Variants in AKAP13 observed in about 807,000 individuals in gnomAD.
AKAP13 encodes the protein A-kinase anchor protein 13.
AKAP13 carries 80 observed loss-of-function variants against 264.5 expected under a neutral mutation model. That is an observed-to-expected ratio of 0.30 (90% CI 0.25 to 0.36). The LOEUF (loss-of-function observed/expected upper bound fraction) is 0.36, where lower values mean the gene tolerates loss of function less well. AKAP13 is among the 10% of genes least tolerant of loss of function. The probability of loss-of-function intolerance (pLI) is 1.00; values close to 1 mark genes in which losing one functional copy is unlikely to be tolerated. For missense variants in AKAP13, 3,712 were observed against 3,435.2 expected, an observed-to-expected ratio of 1.08 and a Z score of -2.01; for synonymous variants, 1,380 against 1,250.2, an observed-to-expected ratio of 1.10 and a Z score of -2.19.
At chr15:85,400,874 ATTT>A (rs55704204) in intron 1 of AKAP13, among the ~76,000 whole-genome samples, 3,426 of 120,112 alleles carry the variant, frequency 0.029, 48 homozygotes, top group Non-Finnish European at 0.037. Context: ...ATATATATAT[ATTT>A]TTTTTTTTTA....
At chr15:85,508,884 C>T (rs1302433049) in intron 2 of AKAP13, among the ~76,000 whole-genome samples, 1 of 152,124 alleles carries the variant, frequency 6.6e-6, no homozygotes, top group African/African-American at 2.4e-5. Flanking sequence ...TTGCTTCATT[C>T]AGGTTTCAGC....
At chr15:85,711,760 T>G (rs1427852837) in intron 19 of AKAP13, among the ~76,000 whole-genome samples, 1 of 152,192 alleles carries the variant, frequency 6.6e-6, no homozygotes, top group Non-Finnish European at 1.5e-5. Context: ...AAGTAAAGAT[T>G]CTTGGGCCCC....
In AKAP13 at chr15:85,741,337, G is replaced by C; in HGVS notation, c.7900G>C (p.Glu2634Gln). 6.2e-7 allele frequency: 1 copy of C among 1,613,676 alleles called. No individual in the cohort carries two copies. Among genetic ancestry groups the C allele is most frequent in the Non-Finnish European group, 8.5e-7 (1 of 1,179,886 alleles). ...GGTGCAGCAGGGGCAGCAGGACCTG[G>C]AAAAGGAGCGGGAGGAGCTCCAGCA... ...EEVQQGQQDLEKEREELQQKK... is the reference protein window; with the variant it reads ...EEVQQGQQDLQKEREELQQKK... Residue 2634 changes from glutamate (E) to glutamine (Q), a missense_variant, in exon 35 of 37, where the codon GAA becomes CAA. Glu to Gln is a conservative substitution (Grantham distance 29). This residue lies in a region of AKAP13 where 611 missense variants were observed against 539.3 expected (regional missense o/e 1.13). Coordinates refer to ENST00000394518, the MANE Select transcript of AKAP13 (RefSeq NM_007200.5).
chr15:85,711,854 A>G (rs1030307373), intron 19 of AKAP13, among the ~76,000 whole-genome samples: 1 of 152,114 alleles, frequency 6.6e-6, no homozygotes, highest in African/African-American at 2.4e-5. Flanking sequence ...TTTAATAGAG[A>G]CAGGGTCTTG....
rs564507091 is a variant in AKAP13, at chr15:85,514,080, T to C, written c.34-7348T>C. ...GGAGACACTTAAAGACTGTGTAATA[T>C]GTATGCTGTTCCTCATCAGAATCTC... is the stretch of plus-strand genomic sequence containing the variant. On this transcript the variant is annotated intron_variant, in intron 2 of 36. Coordinates refer to ENST00000394518, the MANE Select transcript of AKAP13 (RefSeq NM_007200.5). Among the ~76,000 whole-genome samples, 8 of 138,222 alleles carry C rather than the reference T, an allele frequency of 5.8e-5. 2 individuals carry two copies. Among genetic ancestry groups the C allele is most frequent in the Non-Finnish European group, 1.5e-5 (1 of 64,624 alleles). The allele number at this position is 138,222 out of a possible 152,430, so 90.7% of individuals were successfully genotyped here. A position where few individuals can be genotyped will look rare whatever the true frequency, so the allele number is the denominator to read the frequency against.
In AKAP13 at chr15:85,461,109, A is replaced by AATTTTATTTT. The variant is rs61221023; in HGVS notation, c.-11-24586_-11-24577dup. Among the ~76,000 whole-genome samples the AATTTTATTTT allele has an allele frequency of 3.1e-3, 470 of 150,786 alleles. 1 individual carries two copies. The highest frequency in any genetic ancestry group is 4.9e-3 in the African/African-American group (199 of 40,784). ...AGCTCTTTAAGGACAAGGACTGTAT[A>AATTTTATTTT]ATTTTATTTTATTTTATTTTATTTG... On this transcript the variant is annotated intron_variant, in intron 1 of 36. Coordinates refer to ENST00000394518, the MANE Select transcript of AKAP13 (RefSeq NM_007200.5).
At chr15:85,545,787 A>G (rs2151218441) in intron 5 of AKAP13, among the ~76,000 whole-genome samples, 1 of 152,324 alleles carries the variant, frequency 6.6e-6, no homozygotes, top group Admixed American at 6.5e-5. Context: ...AAGAATCAAG[A>G]ATGATCATTT....
chr15:85,693,619 A>G (rs1280346123), intron 17 of AKAP13, among the ~76,000 whole-genome samples, 168 bp downstream of exon 17: 1 of 152,220 alleles, frequency 6.6e-6, no homozygotes, highest in Admixed American at 6.5e-5. Flanking sequence ...TAGATGTATA[A>G]CATACAGCCT....
chr15:85,609,151 T>C (rs933708000), intron 8 of AKAP13, among the ~76,000 whole-genome samples: 1 of 152,222 alleles, frequency 6.6e-6, no homozygotes, highest in African/African-American at 2.4e-5. Flanking sequence ...CTCTTCCCGC[T>C]AGTTTGAAAT....
chr15:85,629,199 G>A (rs573745019), intron 8 of AKAP13, among the ~76,000 whole-genome samples: 13 of 152,070 alleles, frequency 8.5e-5, no homozygotes, highest in South Asian at 2.1e-4. Flanking sequence ...TTCTGAAAAG[G>A]AAGGAAGTGA....
chr15:85,600,790 G>C (rs929321655), intron 8 of AKAP13, among the ~76,000 whole-genome samples: 45 of 151,108 alleles, frequency 3.0e-4, no homozygotes, highest in Non-Finnish European at 2.4e-4. Context: ...TCTTTGTCAG[G>C]GAGATAAAAT....
At chr15:85,459,649 G>A (rs565054050) in intron 1 of AKAP13, among the ~76,000 whole-genome samples, 8 of 152,082 alleles carry the variant, frequency 5.3e-5, no homozygotes, top group Non-Finnish European at 7.4e-5. Context: ...GCAGGTGACC[G>A]CCACAACGCC....
chr15:85,572,844 G>C (rs1435814608), intron 5 of AKAP13, among the ~76,000 whole-genome samples: 1 of 151,960 alleles, frequency 6.6e-6, no homozygotes, highest in East Asian at 1.9e-4. Context: ...GACCGACCCC[G>C]GTGTGTGATG....
At chr15:85,691,201 A>C (rs535465145) in intron 16 of AKAP13, among the ~76,000 whole-genome samples, 10 of 152,320 alleles carry the variant, frequency 6.6e-5, no homozygotes, top group African/African-American at 2.4e-4. Flanking sequence ...GGACATAACA[A>C]TGGTATTGAC....
intron 30 of AKAP13, among the ~76,000 whole-genome samples, chr15:85,733,122 A>T (rs1235667251): frequency 6.6e-6 from 1 of 152,170 alleles, no homozygotes; most frequent in Non-Finnish European, 1.5e-5. Flanking sequence ...TGTGAAGCTG[A>T]TTCTCTAGCA....
At chr15:85,593,252 C>T (rs2079659911) in intron 8 of AKAP13, among the ~76,000 whole-genome samples, 2 of 152,110 alleles carry the variant, frequency 1.3e-5, no homozygotes, top group Admixed American at 6.5e-5. Context: ...GTGGAGGTTG[C>T]AGTGAGCCAA....
At chr15:85,736,438 T>C (rs1318370599) in intron 33 of AKAP13, among the ~76,000 whole-genome samples, 1 of 149,370 alleles carries the variant, frequency 6.7e-6, no homozygotes, top group Non-Finnish European at 1.5e-5. Flanking sequence ...TGTTTGTTTG[T>C]TTGTTTGTTT....
chr15:85,487,059 C>T (rs910999963), intron 2 of AKAP13, among the ~76,000 whole-genome samples: 2 of 152,050 alleles, frequency 1.3e-5, no homozygotes, highest in African/African-American at 4.8e-5. Context: ...TTGTTCATTG[C>T]TTATATATAG....
chr15:85,582,992 T>C, intron 7 of AKAP13: 1 of 985,450 alleles, frequency 1.0e-6, no homozygotes, highest in Non-Finnish European at 1.2e-6. Flanking sequence ...GGAAATAAAC[T>C]ATCTGAATAA....
Sources: allele counts gnomAD v4.1 joint callset (sites outside exome capture counted in the v4.1 genomes callset), GRCh38; gene constraint gnomAD v4.1.1; regional missense constraint gnomAD v4.1.1; transcripts MANE v1.5; gene names NCBI Gene and HGNC (gene_info 2026-07-23, HGNC 2026-07-21).